Variants in PPP1R12B observed in about 807,000 individuals in gnomAD.
PPP1R12B encodes myosin phosphatase target subunit 2.
PPP1R12B carries 76 observed loss-of-function variants against 126.1 expected under a neutral mutation model. The ratio of observed to expected loss-of-function variants is 0.60; its 90% CI spans 0.50 to 0.73. The LOEUF is 0.73. PPP1R12B is among the 30% of genes least tolerant of loss of function. PPP1R12B has a pLI of 0.00. For synonymous variants in PPP1R12B, 356 were observed against 434.7 expected (o/e 0.82, Z 2.25); for missense variants, 1,052 against 1,205.1 (o/e 0.87, Z 1.88).
chr1:202,373,802 A>G (rs1474398109), intron 1 of PPP1R12B, among the ~76,000 whole-genome samples: 3 of 152,068 alleles, frequency 2.0e-5, no homozygotes, highest in African/African-American at 7.2e-5. Flanking sequence ...TTTATTGCAA[A>G]ATTTAACACA....
intron 10 of PPP1R12B, chr1:202,439,567 G>T: frequency 6.9e-7 from 1 of 1,447,376 alleles, no homozygotes; most frequent in South Asian, 1.2e-5. Context: ...GCCAGGAACT[G>T]ACCACCCAGG....
At chr1:202,371,929 C>T (rs1160129724) in intron 1 of PPP1R12B, among the ~76,000 whole-genome samples, 3 of 139,108 alleles carry the variant, frequency 2.2e-5, no homozygotes, top group Admixed American at 1.6e-4. Flanking sequence ...TGGAGTGCAG[C>T]GGCATGATCT....
rs1240551174 is a variant in PPP1R12B at position 202,591,313 on chromosome 1, TCA to T, written c.*10756_*10757del. 2 of 152,832 alleles carry T rather than the reference TCA, an allele frequency of 1.3e-5. No homozygotes were observed. Among genetic ancestry groups the T allele is most frequent in the Non-Finnish European group, 2.9e-5 (2 of 68,516 alleles). The allele number at this position is 152,832 out of a possible 1,614,324, so 9.5% of individuals were successfully genotyped here. A position where few individuals can be genotyped will look rare whatever the true frequency, so the allele number is the denominator to read the frequency against. Reference sequence around the variant, plus strand: ...CGTTCTCTCTCCTTCCTCATACTTGTCACAGTTGCCAGGCCTGAGGCATCCTG... The same window carrying T: ...CGTTCTCTCTCCTTCCTCATACTTGTCAGTTGCCAGGCCTGAGGCATCCTG... On this transcript the variant is annotated 3_prime_UTR_variant, in exon 24 of 24. Transcript: ENST00000608999.
intron 2 of PPP1R12B, among the ~76,000 whole-genome samples, chr1:202,420,789 A>G (rs764509826): frequency 3.9e-5 from 6 of 152,168 alleles, no homozygotes; most frequent in Non-Finnish European, 7.3e-5. Context: ...TGAGACTATA[A>G]GGGAAAGAAG....
intron 13 of PPP1R12B, among the ~76,000 whole-genome samples, chr1:202,449,850 C>G (rs2148719053): frequency 6.6e-6 from 1 of 150,702 alleles, no homozygotes; most frequent in South Asian, 2.1e-4. Context: ...CCATGCCCGG[C>G]TAATCTTTTA....
At chr1:202,420,967 CTTTT>C (rs56164548) in intron 2 of PPP1R12B, among the ~76,000 whole-genome samples, 10 of 118,548 alleles carry the variant, frequency 8.4e-5, no homozygotes, top group African/African-American at 3.1e-4. Context: ...CCTCTGCCAA[CTTTT>C]TTTTTTTTTT....
intron 13 of PPP1R12B, among the ~76,000 whole-genome samples, chr1:202,477,445 C>G (rs529971313): frequency 5.0e-4 from 76 of 152,306 alleles, no homozygotes; most frequent in Admixed American, 6.5e-4. Flanking sequence ...TGCCAGGGTA[C>G]TTTATCACTA....
In PPP1R12B at chr1:202,548,798, C is replaced by T. The variant is rs1558359629; in HGVS notation, c.2491-10079C>T. Reference sequence around the variant, plus strand: ...GCTGTCTCTCTCTCTCTCTCTCTCTCTCTCTCTCTCTATATATATATATAT... The same window carrying T: ...GCTGTCTCTCTCTCTCTCTCTCTCTTTCTCTCTCTCTATATATATATATAT... On this transcript the variant is annotated intron_variant, in intron 18 of 23. Coordinates refer to ENST00000608999, the MANE Select transcript of PPP1R12B (RefSeq NM_002481.4). Among the ~76,000 whole-genome samples, 26 of 109,036 alleles carry T rather than the reference C, an allele frequency of 2.4e-4. No individual in the cohort carries two copies. The East Asian group carries it at 4.8e-3, about 20-fold the overall frequency. The allele number at this position is 109,036 out of a possible 152,430, so 71.5% of individuals were successfully genotyped here.
intron 18 of PPP1R12B, among the ~76,000 whole-genome samples, chr1:202,554,931 A>G (rs1240615994): frequency 1.3e-5 from 2 of 152,024 alleles, no homozygotes; most frequent in African/African-American, 4.8e-5. Context: ...TGTGAGCACC[A>G]TTATCATTAC....
chr1:202,394,506 G>A (rs1270357391), intron 1 of PPP1R12B, among the ~76,000 whole-genome samples: 1 of 151,908 alleles, frequency 6.6e-6, no homozygotes, highest in Non-Finnish European at 1.5e-5. Context: ...TGTAATCCAA[G>A]CACTTTGGGA....
rs557007077 is a variant in PPP1R12B at position 202,361,004 on chromosome 1, C to T, written c.291+11862C>T. 2.0e-5 allele frequency among the ~76,000 whole-genome samples: 3 copies of T among 151,954 alleles called. No individual in the cohort carries two copies. In the East Asian group the frequency reaches 5.9e-4, roughly 30 times the overall value. ...CTTCTGGGTTCATGCCATTCTCCTGCCTCAGCCTCCTGAGTAGCTGGGACT... is the reference window on the plus strand; with the variant it reads ...CTTCTGGGTTCATGCCATTCTCCTGTCTCAGCCTCCTGAGTAGCTGGGACT... On this transcript the variant is annotated intron_variant, in intron 1 of 23. Coordinates refer to ENST00000608999, the MANE Select transcript of PPP1R12B (RefSeq NM_002481.4).
In PPP1R12B at chr1:202,363,442, C is replaced by A. The variant is rs1007685547; in HGVS notation, c.291+14300C>A. Among the ~76,000 whole-genome samples, 5 of 152,146 alleles carry A rather than the reference C, an allele frequency of 3.3e-5. No individual in the cohort carries two copies. In the South Asian group the frequency reaches 1.0e-3, roughly 31 times the overall value. On this transcript the variant is annotated intron_variant, in intron 1 of 23. Transcript: ENST00000608999. ...TTGTATGTTTTAAGATAATCAAGAC[C>A]TTGTCATTAGCCTTCTCTAATAAGG...
At chr1:202,533,784 A>G (rs1684250799) in intron 18 of PPP1R12B, among the ~76,000 whole-genome samples, 1 of 152,140 alleles carries the variant, frequency 6.6e-6, no homozygotes, top group Non-Finnish European at 1.5e-5. Context: ...TCATGTTACT[A>G]GTGGTCTTGT....
chr1:202,374,780 C>T (rs1192196266), intron 1 of PPP1R12B, among the ~76,000 whole-genome samples: 10 of 151,690 alleles, frequency 6.6e-5, no homozygotes, highest in Non-Finnish European at 1.5e-4. Flanking sequence ...TCAGGCAATC[C>T]GCCCGCCTCT....
At position 202,583,814 on chromosome 1, in the gene PPP1R12B, C is replaced by T. The variant is rs1363519842; in HGVS notation, c.*3254C>T. On this transcript the variant is annotated 3_prime_UTR_variant, in exon 24 of 24. Coordinates refer to ENST00000608999, the MANE Select transcript of PPP1R12B (RefSeq NM_002481.4). ...GCTGAATAAATAGCTGCAGACATGG[C>T]CAACAACATGGGGCTCAGGTCTGTC... 2.6e-5 allele frequency: 4 copies of T among 152,172 alleles called. No individual in the cohort carries two copies. Among genetic ancestry groups the T allele is most frequent in the African/African-American group, 9.7e-5 (4 of 41,438 alleles). The allele number at this position is 152,172 out of a possible 1,614,324, so 9.4% of individuals were successfully genotyped here.
intron 18 of PPP1R12B, among the ~76,000 whole-genome samples, chr1:202,524,610 A>G (rs142381042): frequency 4.6e-5 from 7 of 152,288 alleles, no homozygotes; most frequent in East Asian, 3.9e-4. Context: ...GTGAGAACAT[A>G]TAATGTTTGG....
intron 6 of PPP1R12B, among the ~76,000 whole-genome samples, chr1:202,430,258 G>C (rs1001409194): frequency 7.2e-5 from 11 of 151,976 alleles, no homozygotes; most frequent in Admixed American, 2.0e-4. Flanking sequence ...ACTTATCTTT[G>C]CCCTCTGCAT....
At chr1:202,556,829 A>G (rs1208509487) in intron 18 of PPP1R12B, among the ~76,000 whole-genome samples, 1 of 152,198 alleles carries the variant, frequency 6.6e-6, no homozygotes, top group Non-Finnish European at 1.5e-5. Context: ...ATTTGCTGGT[A>G]TGGAGTTCAG....
intron 1 of PPP1R12B, among the ~76,000 whole-genome samples, chr1:202,365,077 T>G (rs1658959879): frequency 6.6e-6 from 1 of 152,232 alleles, no homozygotes; most frequent in South Asian, 2.1e-4. Context: ...ATTGGTTTTT[T>G]TTCCTTTGTT....
Sources: gnomAD v4.1 joint callset for allele counts (sites outside exome capture counted in the v4.1 genomes callset) on GRCh38, gnomAD v4.1.1 for gene constraint, MANE v1.5 for transcripts, NCBI Gene and HGNC (gene_info 2026-07-23, HGNC 2026-07-21) for gene names.